The following SYT16 variants were observed in gnomAD, a reference collection of about 807,000 sequenced individuals.
SYT16 encodes the protein synaptotagmin 16.
A neutral mutation model predicts 61.4 loss-of-function variants in SYT16; 42 were observed. That is an observed-to-expected ratio of 0.68 (90% confidence interval 0.53 to 0.89). The LOEUF (loss-of-function observed/expected upper bound fraction) is 0.89. Ranked by LOEUF, SYT16 falls within the 40% of genes least tolerant of loss-of-function variation. SYT16 has a pLI of 0.00. For missense variants in SYT16, 804 were observed against 807.3 expected (o/e 1.00, Z 0.05); for synonymous variants, 314 against 302.3 (o/e 1.04, Z -0.40).
chr14:61,832,012 A>G, intron 1 of SYT16: 1 of 672,926 alleles, frequency 1.5e-6, no homozygotes, highest in Non-Finnish European at 2.8e-6. Flanking sequence ...CGCTTCTCCC[A>G]GATGATAATG....
chr14:61,876,448 C>T (rs1215970398), intron 1 of SYT16, among the ~76,000 whole-genome samples: 1 of 152,174 alleles, frequency 6.6e-6, no homozygotes, highest in African/African-American at 2.4e-5. Context: ...GGAGTACACA[C>T]TTTGACTTGT....
chr14:61,832,264 G>A (rs2045962678), intron 1 of SYT16: 1 of 599,058 alleles, frequency 1.7e-6, no homozygotes, highest in Non-Finnish European at 3.3e-6. Flanking sequence ...ACATAAGCTG[G>A]GAGCGCATAG....
intron 7 of SYT16, among the ~76,000 whole-genome samples, chr14:62,096,559 T>TA (rs1024310826): frequency 6.6e-6 from 1 of 152,060 alleles, no homozygotes; most frequent in East Asian, 1.9e-4. Flanking sequence ...AGAGATAATA[T>TA]AAAAAATTAA....
At position 61,873,478 on chromosome 14, in the gene SYT16, G is replaced by A. The variant is rs567407732; in HGVS notation, c.-325+60668G>A. 7.8e-4 allele frequency among the ~76,000 whole-genome samples: 118 copies of A among 152,090 alleles called. 1 individual carries two copies. Among genetic ancestry groups the A allele is most frequent in the Non-Finnish European group, 1.0e-3 (71 of 67,990 alleles). ...CTGGCTGCCACTGGCCCCTTCCTTC[G>A]TACTTACTGCCTATGCCCATTGGCC... is the stretch of plus-strand genomic sequence containing the variant. On this transcript the variant is annotated intron_variant, in intron 1 of 7. Transcript: ENST00000683842.
At chr14:61,852,190 C>CTT (rs543081115) in intron 1 of SYT16, among the ~76,000 whole-genome samples, 5 of 151,076 alleles carry the variant, frequency 3.3e-5, no homozygotes, top group African/African-American at 1.2e-4. Flanking sequence ...TTCCCCATTG[C>CTT]TTTTTTTTTG....
rs779568303 is a variant in SYT16, at chr14:62,069,622, C to G, written c.543C>G (p.Asp181Glu). 1.9e-6 allele frequency: 3 copies of G among 1,613,848 alleles called. No homozygotes were observed. The highest frequency in any genetic ancestry group is 2.5e-6 in the Non-Finnish European group (3 of 1,179,840). Residue 181 changes from aspartate (D) to glutamate (E), a missense_variant, in exon 4 of 8, where the codon GAC becomes GAG. Physicochemically the swap from Asp to Glu is conservative, Grantham distance 45. Coordinates refer to ENST00000683842, the MANE Select transcript of SYT16 (RefSeq NM_001367656.1). ...GKKQVNSFGD[D>E]EELSTSSDSD... is the part of the protein sequence containing the mutation. Reference sequence around the variant, plus strand: ...TCCCAGTCAACAGCTTTGGGGATGACGAAGAGCTGTCCACATCTTCTGACA... The same window carrying G: ...TCCCAGTCAACAGCTTTGGGGATGAGGAAGAGCTGTCCACATCTTCTGACA...
chr14:62,078,460 A>G (rs769253150), intron 5 of SYT16, among the ~76,000 whole-genome samples: 11 of 152,050 alleles, frequency 7.2e-5, no homozygotes, highest in Non-Finnish European at 1.6e-4. Flanking sequence ...TACCTACCTC[A>G]TTGCATTGAT....
At chr14:61,956,500 C>T (rs2050880131) in intron 1 of SYT16, among the ~76,000 whole-genome samples, 1 of 151,922 alleles carries the variant, frequency 6.6e-6, no homozygotes, top group African/African-American at 2.4e-5. Flanking sequence ...GATAAGGGTC[C>T]AATTTCATTG....
chr14:61,842,692 G>A (rs533599611), intron 1 of SYT16, among the ~76,000 whole-genome samples: 5 of 151,248 alleles, frequency 3.3e-5, no homozygotes, highest in African/African-American at 1.2e-4. Context: ...ACCAAACACC[G>A]CCTGTTCTCA....
intron 1 of SYT16, chr14:61,864,740 G>C: frequency 1.0e-6 from 1 of 996,370 alleles, no homozygotes; most frequent in South Asian, 1.5e-5. Context: ...GTGTCCACTC[G>C]CTACCTGGTT....
At chr14:62,027,294 T>C (rs2054138026) in intron 3 of SYT16, among the ~76,000 whole-genome samples, 1 of 152,162 alleles carries the variant, frequency 6.6e-6, no homozygotes, top group Non-Finnish European at 1.5e-5. Flanking sequence ...CTTTCCAAAA[T>C]GAATGTAGAT....
intron 4 of SYT16, among the ~76,000 whole-genome samples, chr14:62,072,243 A>G (rs1892049): frequency 0.19 from 28,999 of 152,198 alleles, 2,779 homozygotes; most frequent in South Asian, 0.28. Context: ...AACCAGCTCA[A>G]TTGTCTCCAG....
chr14:62,059,971 A>G (rs2055755372), intron 3 of SYT16, among the ~76,000 whole-genome samples: 1 of 152,116 alleles, frequency 6.6e-6, no homozygotes, highest in African/African-American at 2.4e-5. Flanking sequence ...TGCTTCATTG[A>G]TTTATTGATC....
intron 1 of SYT16, among the ~76,000 whole-genome samples, chr14:61,913,386 A>T (rs1490499358): frequency 1.3e-5 from 2 of 152,200 alleles, no homozygotes; most frequent in Non-Finnish European, 2.9e-5. Flanking sequence ...TATAGTCTAT[A>T]GACTGGAGGG....
At chr14:61,908,826 T>A (rs894596543) in intron 1 of SYT16, among the ~76,000 whole-genome samples, 1 of 152,166 alleles carries the variant, frequency 6.6e-6, no homozygotes, top group Non-Finnish European at 1.5e-5. Context: ...TCTTCCTTTC[T>A]TTCCTTTCTT....
intron 1 of SYT16, among the ~76,000 whole-genome samples, chr14:61,939,027 T>C (rs1446794791): frequency 6.6e-6 from 1 of 152,012 alleles, no homozygotes; most frequent in East Asian, 1.9e-4. Flanking sequence ...CCCAGCTACT[T>C]GGGAGGCTGA....
chr14:62,068,470 G>A (rs1325603045), intron 3 of SYT16, among the ~76,000 whole-genome samples: 2 of 152,182 alleles, frequency 1.3e-5, no homozygotes, highest in African/African-American at 4.8e-5. Context: ...GGATATGCAG[G>A]ATGAACAAGT....
intron 1 of SYT16, among the ~76,000 whole-genome samples, chr14:61,926,166 A>C (rs889413832): frequency 6.6e-6 from 1 of 152,170 alleles, no homozygotes; most frequent in African/African-American, 2.4e-5. Flanking sequence ...TGTGACTTCC[A>C]AAAAAATCTA....
chr14:62,081,380 T>A, intron 6 of SYT16, 106 bp downstream of exon 6: 2 of 1,273,114 alleles, frequency 1.6e-6, no homozygotes, highest in Non-Finnish European at 2.1e-6. Context: ...GACTTTAATT[T>A]AATTTTCCAT....
Sources: gnomAD v4.1 joint callset for allele counts (sites outside exome capture counted in the v4.1 genomes callset) on GRCh38, gnomAD v4.1.1 for gene constraint, MANE v1.5 for transcripts, NCBI Gene and HGNC (gene_info 2026-07-23, HGNC 2026-07-21) for gene names.